KCNIP1: variants seen among roughly 807,000 people sequenced by gnomAD.
KCNIP1 encodes the protein A-type potassium channel modulatory protein KCNIP1.
Under a neutral mutation model 33.0 loss-of-function variants are expected in KCNIP1, and 18 were observed. The observed-to-expected ratio is 0.55, with a 90% CI of 0.38 to 0.81. KCNIP1 has a LOEUF of 0.81. Among genes scored for constraint, KCNIP1 ranks in the 30% least tolerant of loss-of-function variants. The pLI, the probability that KCNIP1 is intolerant of heterozygous loss-of-function variation, is 0.00. For synonymous variants in KCNIP1, 93 were observed against 98.3 expected (o/e 0.95, Z 0.32); for missense variants, 238 against 271.6 (o/e 0.88, Z 0.87).
chr5:170,735,169 A>G (rs1764337804), intron 7 of KCNIP1, among the ~76,000 whole-genome samples: 1 of 152,174 alleles, frequency 6.6e-6, no homozygotes, highest in Non-Finnish European at 1.5e-5. Context: ...TTTTTGAAAG[A>G]GAGCGCTTTG....
chr5:170,490,277 A>G (rs1757179427), intron 1 of KCNIP1, among the ~76,000 whole-genome samples: 1 of 152,228 alleles, frequency 6.6e-6, no homozygotes, highest in Non-Finnish European at 1.5e-5. Flanking sequence ...TGGATAGGCC[A>G]TGTCCCTGAC....
intron 7 of KCNIP1, among the ~76,000 whole-genome samples, chr5:170,734,901 T>C (rs1009752573): frequency 2.0e-5 from 3 of 152,226 alleles, no homozygotes; most frequent in African/African-American, 7.2e-5. Flanking sequence ...GAGAGCTGGT[T>C]GTAAAACAGC....
chr5:170,511,630 C>T (rs1039933190), intron 1 of KCNIP1, among the ~76,000 whole-genome samples: 1 of 152,242 alleles, frequency 6.6e-6, no homozygotes, highest in African/African-American at 2.4e-5. Flanking sequence ...CTGGCCTCCA[C>T]CCAGTGCCAG....
At chr5:170,625,367 C>T (rs1334292705) in intron 1 of KCNIP1, among the ~76,000 whole-genome samples, 4 of 152,154 alleles carry the variant, frequency 2.6e-5, no homozygotes, top group African/African-American at 9.7e-5. Flanking sequence ...CACCAAGCAT[C>T]GGGCCTGTGG....
chr5:170,444,489 C>T (rs1202461124), intron 1 of KCNIP1, among the ~76,000 whole-genome samples: 1 of 152,102 alleles, frequency 6.6e-6, no homozygotes, highest in Non-Finnish European at 1.5e-5. Context: ...ACCTTAATCC[C>T]ATCCACAACC....
intron 1 of KCNIP1, among the ~76,000 whole-genome samples, chr5:170,433,257 G>C (rs187914511): frequency 0.013 from 1,903 of 152,218 alleles, 62 homozygotes; most frequent in Admixed American, 0.082. Context: ...CACAATCTTG[G>C]CTCACTGCAA....
chr5:170,493,415 G>A (rs1757247422), intron 1 of KCNIP1, among the ~76,000 whole-genome samples: 2 of 152,206 alleles, frequency 1.3e-5, no homozygotes, highest in African/African-American at 4.8e-5. Flanking sequence ...AAGCTAGGAA[G>A]GTTCCATCCC....
intron 1 of KCNIP1, among the ~76,000 whole-genome samples, chr5:170,402,453 G>C (rs1754929003): frequency 2.0e-5 from 3 of 152,154 alleles, no homozygotes. Flanking sequence ...GGATGTTCCT[G>C]CTTGGGAGGC....
chr5:170,627,365 C>G (rs1276910051), intron 1 of KCNIP1, among the ~76,000 whole-genome samples: 1 of 152,254 alleles, frequency 6.6e-6, no homozygotes, highest in Admixed American at 6.5e-5. Flanking sequence ...CAGCAAGCCC[C>G]AAGGGCTTCC....
At chr5:170,520,285 G>A (rs151292561) in intron 1 of KCNIP1, among the ~76,000 whole-genome samples, 1 of 152,178 alleles carries the variant, frequency 6.6e-6, no homozygotes, top group Non-Finnish European at 1.5e-5. Flanking sequence ...ACCAGCCCAA[G>A]GTCACATAGC....
Position 170,675,591 on chromosome 5 carries a change from A to AGCCT in KCNIP1, c.62-43165_62-43162dup, listed in dbSNP as rs1470904542. On this transcript the variant is annotated intron_variant, in intron 1 of 7. Transcript: ENST00000328939. ...AGCCGAGATTGTGCCACTGCACTCCAGCCTGGCAACAGAGCAAGCCCCCAT... is the reference window on the plus strand; with the variant it reads ...AGCCGAGATTGTGCCACTGCACTCCAGCCTGCCTGGCAACAGAGCAAGCCCCCAT... Among the ~76,000 whole-genome samples, 5 of 152,328 alleles carry AGCCT rather than the reference A, an allele frequency of 3.3e-5. No homozygotes were observed. In the East Asian group the frequency reaches 9.7e-4, roughly 29 times the overall value.
chr5:170,552,340 A>G (rs11739805), intron 1 of KCNIP1, among the ~76,000 whole-genome samples: 6,582 of 152,306 alleles, frequency 0.043, 213 homozygotes, highest in Middle Eastern at 0.11. Flanking sequence ...TTGCGTTTTC[A>G]TGGAATTCAT....
intron 1 of KCNIP1, among the ~76,000 whole-genome samples, chr5:170,664,392 TTA>T (rs1761622201): frequency 6.6e-6 from 1 of 152,154 alleles, no homozygotes; most frequent in Admixed American, 6.5e-5. Context: ...CCTCTCTGCA[TTA>T]TAATTCCTCC....
At position 170,733,897 on chromosome 5, in the gene KCNIP1, A is replaced by G; in HGVS notation, c.602A>G (p.Glu201Gly). ...GATGAATTTCTTGAATCATGTCAGGAGGTAAGGAGAGATCTCAGGGCACAA... is the reference window on the plus strand; with the variant it reads ...GATGAATTTCTTGAATCATGTCAGGGGGTAAGGAGAGATCTCAGGGCACAA... ...TLDEFLESCQ[E>G]DDNIMRSLQL... Residue 201 changes from glutamate to glycine, a missense_variant and splice_region_variant, in exon 7 of 8, where the codon GAG (glutamate) becomes GGG (glycine). By Grantham distance (98) the Glu-to-Gly change is moderately conservative. Coordinates refer to ENST00000328939, the MANE Select transcript of KCNIP1 (RefSeq NM_014592.4). The G allele has an allele frequency of 6.2e-7, 1 of 1,612,650 alleles. No individual in the cohort carries two copies. The highest frequency in any genetic ancestry group is 8.5e-7 in the Non-Finnish European group (1 of 1,178,692).
chr5:170,523,411 T>A (rs1025365961), intron 1 of KCNIP1, among the ~76,000 whole-genome samples: 1 of 152,174 alleles, frequency 6.6e-6, no homozygotes, highest in African/African-American at 2.4e-5. Flanking sequence ...TGCTGGAGAA[T>A]CCTGGGCTGG....
At chr5:170,388,467 C>G (rs547566040) in intron 1 of KCNIP1, among the ~76,000 whole-genome samples, 3 of 152,316 alleles carry the variant, frequency 2.0e-5, no homozygotes, top group African/African-American at 7.2e-5. Context: ...AGAAGAACTT[C>G]CCAGTTTTGA....
intron 1 of KCNIP1, among the ~76,000 whole-genome samples, chr5:170,593,268 C>G (rs1472120561): frequency 6.6e-6 from 1 of 152,196 alleles, no homozygotes; most frequent in African/African-American, 2.4e-5. Context: ...CTGGCTTCTA[C>G]CTGCCAACCC....
At chr5:170,495,454 C>CA (rs1033894468) in intron 1 of KCNIP1, among the ~76,000 whole-genome samples, 10 of 152,210 alleles carry the variant, frequency 6.6e-5, no homozygotes, top group African/African-American at 2.4e-4. Context: ...CTGCTACACA[C>CA]AGAGGTGGCA....
chr5:170,523,937 C>G (rs1478719753), intron 1 of KCNIP1, among the ~76,000 whole-genome samples: 1 of 152,126 alleles, frequency 6.6e-6, no homozygotes, highest in African/African-American at 2.4e-5. Context: ...GTGCACCATC[C>G]GAAGCCAGGT....
Sources: allele counts gnomAD v4.1 joint callset (sites outside exome capture counted in the v4.1 genomes callset), GRCh38; gene constraint gnomAD v4.1.1; transcripts MANE v1.5; gene names NCBI Gene and HGNC (gene_info 2026-07-23, HGNC 2026-07-21).